Variants in EXOC6B observed in about 807,000 individuals in gnomAD.
The protein encoded by EXOC6B is exocyst complex component 6B, also known as SEC15 homolog B.
A neutral mutation model predicts 113.5 loss-of-function variants in EXOC6B; 54 were observed. The ratio of observed to expected loss-of-function variants is 0.48; its 90% CI spans 0.38 to 0.60. EXOC6B has a LOEUF of 0.60. EXOC6B is among the 20% of genes least tolerant of loss of function. The pLI is 0.00. For synonymous variants in EXOC6B, 357 were observed against 339.0 expected (o/e 1.05, Z -0.58); for missense variants, 797 against 977.5 (o/e 0.82, Z 2.46).
At chr2:72,303,512 G>A (rs1686657271) in intron 20 of EXOC6B, among the ~76,000 whole-genome samples, 1 of 151,742 alleles carries the variant, frequency 6.6e-6, no homozygotes, top group Non-Finnish European at 1.5e-5. Context: ...TCTTTCCTCA[G>A]CTTGGTTTTT....
At chr2:72,649,351 A>G (rs1188670317) in intron 6 of EXOC6B, among the ~76,000 whole-genome samples, 1 of 152,170 alleles carries the variant, frequency 6.6e-6, no homozygotes, top group African/African-American at 2.4e-5. Context: ...TAACTAAAAG[A>G]GTATGATTAG....
At chr2:72,701,903 C>T (rs1678373780) in intron 6 of EXOC6B, among the ~76,000 whole-genome samples, 1 of 151,862 alleles carries the variant, frequency 6.6e-6, no homozygotes, top group Admixed American at 6.6e-5. Context: ...TCTCCCATGA[C>T]AAGCCACTTG....
intron 6 of EXOC6B, among the ~76,000 whole-genome samples, chr2:72,615,890 G>C (rs1237982800): frequency 6.6e-6 from 1 of 152,034 alleles, no homozygotes; most frequent in Non-Finnish European, 1.5e-5. Context: ...AAAATGTGAA[G>C]GTGGAAAACA....
At chr2:72,439,105 A>T (rs1324706470) in intron 18 of EXOC6B, among the ~76,000 whole-genome samples, 1 of 152,236 alleles carries the variant, frequency 6.6e-6, no homozygotes, top group Non-Finnish European at 1.5e-5. Context: ...CAAAATGAAT[A>T]AAACAATTCT....
At chr2:72,473,251 AC>A (rs1174446011) in intron 17 of EXOC6B, among the ~76,000 whole-genome samples, 2 of 152,054 alleles carry the variant, frequency 1.3e-5, no homozygotes, top group African/African-American at 4.8e-5. Flanking sequence ...TGTCTCAATG[AC>A]CTGTTTAGTG....
intron 1 of EXOC6B, among the ~76,000 whole-genome samples, chr2:72,754,446 A>G (rs1406490576): frequency 2.6e-5 from 4 of 151,042 alleles, no homozygotes; most frequent in Non-Finnish European, 5.9e-5. Flanking sequence ...TGCCCAGGGT[A>G]CTGTCAAACT....
At position 72,177,902 on chromosome 2, in the gene EXOC6B, C is replaced by G. The variant is rs994846202; in HGVS notation, c.*1433G>C. On this transcript the variant is annotated 3_prime_UTR_variant, in exon 22 of 22. Coordinates refer to ENST00000272427, the MANE Select transcript of EXOC6B (RefSeq NM_015189.3). ...CACTAGCCATCTTTCTGCTACTAGC[C>G]AGTAGCATCTTTCTGAAGTGTCTTA... is the stretch of plus-strand genomic sequence containing the variant. 1 of 152,208 alleles carries G rather than the reference C, an allele frequency of 6.6e-6. No homozygotes were observed. Among genetic ancestry groups the G allele is most frequent in the Non-Finnish European group, 1.5e-5 (1 of 68,050 alleles). 9.4% of individuals were successfully genotyped at this position (152,208 alleles called of 1,614,324 possible).
chr2:72,439,788 G>C (rs567733187), intron 18 of EXOC6B, among the ~76,000 whole-genome samples: 59 of 152,354 alleles, frequency 3.9e-4, no homozygotes, highest in African/African-American at 1.3e-3. Flanking sequence ...TCATTTGGAA[G>C]AAAGAGGGTA....
At chr2:72,499,850 G>T in intron 12 of EXOC6B, 51 bp downstream of exon 12, 3 of 1,301,958 alleles carry the variant, frequency 2.3e-6, no homozygotes, top group Non-Finnish European at 3.3e-6. Context: ...AAGGTTTAGA[G>T]CTGATTATAA....
At chr2:72,271,906 T>C (rs972296412) in intron 20 of EXOC6B, among the ~76,000 whole-genome samples, 12 of 152,060 alleles carry the variant, frequency 7.9e-5, no homozygotes, top group African/African-American at 2.9e-4. Flanking sequence ...GCTGCCAAGG[T>C]CACATAGAGG....
intron 8 of EXOC6B, among the ~76,000 whole-genome samples, chr2:72,555,220 G>A (rs1469743062): frequency 1.3e-5 from 2 of 152,162 alleles, no homozygotes; most frequent in African/African-American, 4.8e-5. Flanking sequence ...AAACATACTT[G>A]TGCATATGTC....
chr2:72,229,812 C>T (rs1368237625), intron 20 of EXOC6B, among the ~76,000 whole-genome samples: 1 of 152,154 alleles, frequency 6.6e-6, no homozygotes, highest in Non-Finnish European at 1.5e-5. Context: ...CAAATGGATA[C>T]CACGTGCTAC....
At chr2:72,656,921 G>A (rs541878467) in intron 6 of EXOC6B, among the ~76,000 whole-genome samples, 10 of 151,940 alleles carry the variant, frequency 6.6e-5, no homozygotes, top group African/African-American at 2.2e-4. Context: ...GAGTGATCTC[G>A]GCTCACTGCA....
intron 20 of EXOC6B, among the ~76,000 whole-genome samples, chr2:72,330,192 A>C (rs1688347332): frequency 6.6e-6 from 1 of 152,118 alleles, no homozygotes; most frequent in Non-Finnish European, 1.5e-5. Flanking sequence ...CCTTTGACCA[A>C]ACATGGAAGG....
intron 20 of EXOC6B, among the ~76,000 whole-genome samples, chr2:72,225,804 A>T (rs1681200488): frequency 6.6e-6 from 1 of 152,176 alleles, no homozygotes; most frequent in South Asian, 2.1e-4. Flanking sequence ...TATATAAAGC[A>T]CCTCTTTATT....
chr2:72,513,053 G>A (rs1701028859), intron 11 of EXOC6B, 79 bp downstream of exon 11: 5 of 1,512,218 alleles, frequency 3.3e-6, no homozygotes, highest in Middle Eastern at 1.7e-4. Flanking sequence ...ACATACATAT[G>A]TTGATTTTAA....
chr2:72,295,727 G>A (rs1033284223), intron 20 of EXOC6B, among the ~76,000 whole-genome samples: 6 of 152,104 alleles, frequency 3.9e-5, no homozygotes, highest in Admixed American at 3.3e-4. Context: ...CAGAGAAAAG[G>A]TGACTCTGCT....
intron 20 of EXOC6B, among the ~76,000 whole-genome samples, chr2:72,323,913 C>T (rs1458083234): frequency 6.6e-6 from 1 of 151,886 alleles, no homozygotes; most frequent in Non-Finnish European, 1.5e-5. Flanking sequence ...CAGCAAACCA[C>T]CATGGCACGT....
At chr2:72,318,398 ATT>A (rs558172381) in intron 20 of EXOC6B, among the ~76,000 whole-genome samples, 1 of 146,522 alleles carries the variant, frequency 6.8e-6, no homozygotes. Context: ...CTAGTTGTTA[ATT>A]TTTTTTTTTT....
Sources: gnomAD v4.1 joint callset for allele counts (sites outside exome capture counted in the v4.1 genomes callset) on GRCh38, gnomAD v4.1.1 for gene constraint, MANE v1.5 for transcripts, NCBI Gene and HGNC (gene_info 2026-07-23, HGNC 2026-07-21) for gene names.